CTIF: variants seen among roughly 807,000 people sequenced by gnomAD.
The protein encoded by CTIF is CBP80/20-dependent translation initiation factor.
CTIF carries 21 observed loss-of-function variants against 66.0 expected under a neutral mutation model. The ratio of observed to expected loss-of-function variants is 0.32; its 90% CI spans 0.23 to 0.46. The LOEUF is 0.46. Ranked by LOEUF, CTIF falls within the 20% of genes least tolerant of loss-of-function variation. CTIF has a pLI of 1.00. For synonymous variants in CTIF, 345 were observed against 326.4 expected (o/e 1.06, Z -0.62); for missense variants, 739 against 812.7 (o/e 0.91, Z 1.10).
chr18:48,638,035 T>C (rs2090855918), intron 3 of CTIF, among the ~76,000 whole-genome samples: 1 of 152,088 alleles, frequency 6.6e-6, no homozygotes, highest in African/African-American at 2.4e-5. Flanking sequence ...CTTGCCCAAC[T>C]GCAGGAGGTG....
At chr18:48,541,842 C>T (rs774611441) in intron 1 of CTIF, among the ~76,000 whole-genome samples, 1 of 151,786 alleles carries the variant, frequency 6.6e-6, no homozygotes, top group African/African-American at 2.4e-5. Flanking sequence ...GAACCTCCCC[C>T]CTCCCCCGCC....
At chr18:48,613,463 G>A (rs1326160693) in intron 1 of CTIF, among the ~76,000 whole-genome samples, 2 of 152,220 alleles carry the variant, frequency 1.3e-5, no homozygotes, top group East Asian at 1.9e-4. Flanking sequence ...GGGGAGGAAG[G>A]GGAGGAAGGC....
chr18:48,800,895 A>G (rs538930051), intron 9 of CTIF, among the ~76,000 whole-genome samples: 72 of 152,322 alleles, frequency 4.7e-4, no homozygotes, highest in African/African-American at 1.7e-3. Context: ...TCCAAACTCA[A>G]TCTCAGGCGT....
intron 1 of CTIF, among the ~76,000 whole-genome samples, chr18:48,577,971 ACT>A (rs1220342546): frequency 6.6e-6 from 1 of 151,756 alleles, no homozygotes; most frequent in Non-Finnish European, 1.5e-5. Context: ...CATTACCATA[ACT>A]CTCATTTTTC....
chr18:48,708,821 A>G (rs1228700559), intron 6 of CTIF, among the ~76,000 whole-genome samples: 1 of 152,134 alleles, frequency 6.6e-6, no homozygotes, highest in Admixed American at 6.5e-5. Context: ...TCTTCCTTCC[A>G]TGGCCTGAGC....
chr18:48,695,490 G>A (rs1451304259), intron 6 of CTIF, among the ~76,000 whole-genome samples: 1 of 152,320 alleles, frequency 6.6e-6, no homozygotes, highest in East Asian at 1.9e-4. Context: ...TCAATCCTGA[G>A]CCTCATGGGA....
intron 3 of CTIF, among the ~76,000 whole-genome samples, chr18:48,639,314 T>C (rs370687109): frequency 1.3e-5 from 2 of 152,208 alleles, no homozygotes; most frequent in East Asian, 3.9e-4. Flanking sequence ...TGCAGGGACC[T>C]GGTGCTGAGC....
rs2089430149 is a variant in CTIF at position 48,572,114 on chromosome 18, CT to C, written c.-29+32803del. Among the ~76,000 whole-genome samples the C allele has an allele frequency of 2.0e-5, 3 of 151,982 alleles. No individual in the cohort carries two copies. The South Asian group carries it at 6.2e-4, about 32-fold the overall frequency. ...CTCCTCCTTCTCCTCCTTCCCCTCC[CT>C]CCTTTCTCCTTCCTCTTTCTTCCTT... On this transcript the variant is annotated intron_variant, in intron 1 of 11. Transcript: ENST00000256413.
chr18:48,759,386 C>T (rs948373492), intron 8 of CTIF, among the ~76,000 whole-genome samples: 1 of 152,216 alleles, frequency 6.6e-6, no homozygotes, highest in African/African-American at 2.4e-5. Flanking sequence ...CCCCAGAGGC[C>T]AGGCCCAGGG....
Position 48,819,629 on chromosome 18 carries a change from A to C in CTIF, c.1527+2253A>C, listed in dbSNP as rs538513016. ...AAGAACAAAGAGCCACGCCTAACGC[A>C]CACTTGTTGGATGCATTCAAATTTT... On this transcript the variant is annotated intron_variant, in intron 10 of 11. Transcript: ENST00000256413. Among the ~76,000 whole-genome samples, 5 of 152,350 alleles carry C rather than the reference A, an allele frequency of 3.3e-5. No individual in the cohort carries two copies. In the East Asian group the frequency reaches 5.8e-4, roughly 18 times the overall value.
At chr18:48,622,504 G>T (rs2090515306) in intron 2 of CTIF, among the ~76,000 whole-genome samples, 1 of 152,148 alleles carries the variant, frequency 6.6e-6, no homozygotes, top group South Asian at 2.1e-4. Flanking sequence ...CAGGAGAAAA[G>T]TCCTTGAGGA....
Position 48,786,604 on chromosome 18 carries a change from G to T in CTIF, c.1371+24915G>T, listed in dbSNP as rs1911731745. Among the ~76,000 whole-genome samples, 8 of 152,328 alleles carry T rather than the reference G, an allele frequency of 5.3e-5. No homozygotes were observed. In the Middle Eastern group the frequency reaches 0.024, roughly 453 times the overall value. On this transcript the variant is annotated intron_variant, in intron 9 of 11. Coordinates refer to ENST00000256413, the MANE Select transcript of CTIF (RefSeq NM_014772.3). ...CCCAGGCACTCTAAGGATTACGACT[G>T]TGAACGTGCAGTTCATTGCTGAGCA...
intron 9 of CTIF, among the ~76,000 whole-genome samples, chr18:48,807,206 C>T (rs2068165076): frequency 6.6e-6 from 1 of 152,182 alleles, no homozygotes; most frequent in Non-Finnish European, 1.5e-5. Context: ...CCCAGTTCCC[C>T]ACCCTTCTCG....
chr18:48,631,870 C>T (rs1337626841), intron 2 of CTIF, among the ~76,000 whole-genome samples: 1 of 152,152 alleles, frequency 6.6e-6, no homozygotes, highest in African/African-American at 2.4e-5. Context: ...GCCTGTTTGC[C>T]TTGAAAGGGA....
At position 48,840,390 on chromosome 18, in the gene CTIF, A is replaced by G. The variant is rs1300819157; in HGVS notation, c.1528-17198A>G. On this transcript the variant is annotated intron_variant, in intron 10 of 11. Transcript: ENST00000256413. ...GGTCAGTTGAACACAGTGAGAATGC[A>G]CAGGTGATAACAGAATATTGACTCA... Among the ~76,000 whole-genome samples the G allele has an allele frequency of 2.0e-5, 3 of 152,216 alleles. No homozygotes were observed. In the South Asian group the frequency reaches 6.2e-4, roughly 32 times the overall value.
intron 3 of CTIF, among the ~76,000 whole-genome samples, chr18:48,662,964 C>T (rs958392671): frequency 6.6e-6 from 1 of 152,124 alleles, no homozygotes; most frequent in African/African-American, 2.4e-5. Flanking sequence ...CTGCTGTATA[C>T]GCTTTCTGTA....
At chr18:48,554,850 C>T (rs1456643501) in intron 1 of CTIF, among the ~76,000 whole-genome samples, 2 of 152,246 alleles carry the variant, frequency 1.3e-5, no homozygotes, top group African/African-American at 4.8e-5. Context: ...TACAGCTTTG[C>T]AGCCCAGGCC....
chr18:48,857,633 T>C lies in CTIF; in HGVS notation c.1573T>C (p.Ser525Pro). The C allele has an allele frequency of 6.2e-7, 1 of 1,607,512 alleles. No homozygotes were observed. The highest frequency in any genetic ancestry group is 8.5e-7 in the Non-Finnish European group (1 of 1,176,934). ...GAAGGAAGATGCTGTCCTTTGCTGC[T>C]CTATGGAGGTAAGCTTTGGGGCTTC... ...DVKEDAVLCC[S>P]MELQSTGRLL... is the part of the protein sequence containing the mutation. The change falls in exon 11 of 12, where the codon TCT becomes CCT. Residue 525 changes from serine to proline, a missense_variant. Ser to Pro is a moderately conservative substitution (Grantham distance 74). Around this residue, in one of 2 missense-constraint regions of CTIF, gnomAD observed 210 missense variants for 292.3 expected, o/e 0.72. Coordinates refer to ENST00000256413, the MANE Select transcript of CTIF (RefSeq NM_014772.3).
chr18:48,559,308 C>T (rs1298704652), intron 1 of CTIF, among the ~76,000 whole-genome samples: 6 of 152,000 alleles, frequency 3.9e-5, no homozygotes, highest in Admixed American at 3.9e-4. Context: ...AATATCTTAG[C>T]TCGTTTATTA....
Sources: gnomAD v4.1 joint callset for allele counts (sites outside exome capture counted in the v4.1 genomes callset) on GRCh38, gnomAD v4.1.1 for gene constraint, gnomAD v4.1.1 regional missense constraint, MANE v1.5 for transcripts, NCBI Gene and HGNC (gene_info 2026-07-23, HGNC 2026-07-21) for gene names.